Variants in PIAS2 observed in about 807,000 individuals in gnomAD.
PIAS2 encodes the protein E3 SUMO-protein ligase PIAS2.
In PIAS2, 19 loss-of-function variants were observed where a neutral mutation model predicts 69.7. That is an observed-to-expected ratio of 0.27 (90% CI 0.19 to 0.40). PIAS2 has a LOEUF of 0.40. PIAS2 is among the 10% of genes least tolerant of loss of function. PIAS2 has a pLI of 1.00. For synonymous variants in PIAS2, 261 were observed against 263.2 expected (o/e 0.99, Z 0.08); for missense variants, 624 against 757.0 (o/e 0.82, Z 2.06).
intron 8 of PIAS2, chr18:46,843,789 AT>A: frequency 4.0e-6 from 1 of 247,240 alleles, no homozygotes. Flanking sequence ...CTCTTAATAT[AT>A]TTTTATTACT....
At chr18:46,858,904 G>A (rs945461227) in intron 3 of PIAS2, among the ~76,000 whole-genome samples, 2 of 152,142 alleles carry the variant, frequency 1.3e-5, no homozygotes, top group Admixed American at 6.5e-5. Context: ...AGGACAAGAA[G>A]AGGCAGAGCA....
intron 3 of PIAS2, among the ~76,000 whole-genome samples, chr18:46,856,000 T>A (rs2047715165): frequency 8.9e-6 from 1 of 112,366 alleles, no homozygotes; most frequent in African/African-American, 3.4e-5. Flanking sequence ...TTCTTTTGTT[T>A]TTTTTTTTTT....
chr18:46,833,714 A>C (rs2044012754), intron 9 of PIAS2, among the ~76,000 whole-genome samples: 1 of 152,238 alleles, frequency 6.6e-6, no homozygotes, highest in South Asian at 2.1e-4. Flanking sequence ...ATACTACCAC[A>C]TAATAGAAAT....
At chr18:46,838,023 T>A (rs1430773664) in intron 8 of PIAS2, among the ~76,000 whole-genome samples, 1 of 152,194 alleles carries the variant, frequency 6.6e-6, no homozygotes, top group Non-Finnish European at 1.5e-5. Context: ...ACGGACCTAT[T>A]TTTATGCTAT....
intron 10 of PIAS2, among the ~76,000 whole-genome samples, 180 bp downstream of exon 10, chr18:46,829,554 T>C (rs1206872405): frequency 1.3e-5 from 2 of 152,224 alleles, no homozygotes; most frequent in African/African-American, 4.8e-5. Flanking sequence ...GCTGATAAGA[T>C]GGTATAAACT....
intron 1 of PIAS2, among the ~76,000 whole-genome samples, chr18:46,912,177 G>C (rs2057342925): frequency 6.6e-6 from 1 of 152,218 alleles, no homozygotes; most frequent in African/African-American, 2.4e-5. Flanking sequence ...AGACCAGGAA[G>C]TGAGGAAATA....
intron 12 of PIAS2, chr18:46,816,100 G>T (rs901407660): frequency 1.0e-6 from 1 of 984,768 alleles, no homozygotes; most frequent in Admixed American, 6.2e-5. Context: ...ACCTCCCTGT[G>T]TGACTAAACT....
intron 9 of PIAS2, among the ~76,000 whole-genome samples, chr18:46,832,892 CAAAA>C (rs34958166): frequency 9.4e-6 from 1 of 105,994 alleles, no homozygotes; most frequent in Admixed American, 1.0e-4. Context: ...CCTCTGTCTC[CAAAA>C]AAAAAAAAAA....
At chr18:46,839,928 C>T (rs945755243) in intron 8 of PIAS2, among the ~76,000 whole-genome samples, 3 of 151,118 alleles carry the variant, frequency 2.0e-5, no homozygotes, top group East Asian at 1.9e-4. Flanking sequence ...TTTGGGAAGC[C>T]GAGGCGGGGG....
rs2040857206 is a variant in PIAS2, at chr18:46,809,270, A to G, written c.*3163T>C. The G allele has an allele frequency of 6.6e-6, 1 of 152,180 alleles. No homozygotes were observed. The highest frequency in any genetic ancestry group is 1.5e-5 in the Non-Finnish European group (1 of 68,040). The allele number at this position is 152,180 out of a possible 1,614,324, so 9.4% of individuals were successfully genotyped here. On this transcript the variant is annotated 3_prime_UTR_variant, in exon 14 of 14. Transcript: ENST00000585916. ...TCAATGCTTTCATTTTGCCTTTACA[A>G]TTACCTTAGGACAGATGCCAAGTTT...
chr18:46,871,167 G>T (rs1048979956), intron 2 of PIAS2, among the ~76,000 whole-genome samples: 10 of 152,172 alleles, frequency 6.6e-5, no homozygotes, highest in African/African-American at 2.2e-4. Context: ...TAGAGAATTG[G>T]AAAGACTGGA....
intron 1 of PIAS2, chr18:46,915,231 G>A (rs2057685728): frequency 6.6e-6 from 1 of 152,060 alleles, no homozygotes; most frequent in Non-Finnish European, 1.5e-5. Flanking sequence ...AAAATTGTGA[G>A]AATTAAATAA....
intron 1 of PIAS2, chr18:46,907,576 CAT>C (rs1190708093): frequency 6.6e-6 from 1 of 152,136 alleles, no homozygotes; most frequent in Non-Finnish European, 1.5e-5. Flanking sequence ...ATAACAATAA[CAT>C]ATAGTTGAAT....
chr18:46,817,126 T>C, intron 12 of PIAS2: 1 of 950,132 alleles, frequency 1.1e-6, no homozygotes, highest in Non-Finnish European at 1.3e-6. Flanking sequence ...GTTTTTCAGT[T>C]TTCTTCATTT....
intron 1 of PIAS2, 174 bp downstream of exon 1, chr18:46,917,148 G>C (rs544033590): frequency 1.9e-6 from 2 of 1,041,866 alleles, no homozygotes; most frequent in South Asian, 4.4e-5. Flanking sequence ...CGTGCCCTCC[G>C]CCGGCCCGCT....
Position 46,808,517 on chromosome 18 carries a change from G to C in PIAS2, c.*3916C>G, listed in dbSNP as rs976852832. On this transcript the variant is annotated 3_prime_UTR_variant, in exon 14 of 14. Transcript: ENST00000585916. ...AGGAACATTAGACTCCAAAAGCAGA[G>C]AAATGCTTAATTTTCTTCTACCTGT... 3.3e-5 allele frequency: 5 copies of C among 152,160 alleles called. No homozygotes were observed. Among genetic ancestry groups the C allele is most frequent in the African/African-American group, 1.2e-4 (5 of 41,426 alleles). The allele number at this position is 152,160 out of a possible 1,614,324, so 9.4% of individuals were successfully genotyped here. A position where few individuals can be genotyped will look rare whatever the true frequency, so the allele number is the denominator to read the frequency against.
chr18:46,888,586 C>T (rs910140982), intron 2 of PIAS2, among the ~76,000 whole-genome samples: 1 of 152,134 alleles, frequency 6.6e-6, no homozygotes, highest in Non-Finnish European at 1.5e-5. Flanking sequence ...ACCTTTTTGG[C>T]CAGGACCAGT....
Position 46,836,460 on chromosome 18 carries a change from A to G in PIAS2, c.1099T>C (p.Cys367Arg). The change falls in exon 9 of 14, where the codon TGT becomes CGT. Residue 367 changes from cysteine (C) to arginine (R), a missense_variant. Physicochemically the swap from Cys to Arg is radical, Grantham distance 180. This residue lies in a region of PIAS2 where 44 missense variants were observed against 90.9 expected (regional missense o/e 0.48). Coordinates refer to ENST00000585916, the MANE Select transcript of PIAS2 (RefSeq NM_004671.5). ...TGTAGATAGAGGGCAGCATCAAAAC[A>G]CTGCAGATGTGTACAAGTCACTGCA... ...CRAVTCTHLQ[C>R]FDAALYLQMN... The G allele has an allele frequency of 6.2e-7, 1 of 1,613,724 alleles. No individual in the cohort carries two copies. The highest frequency in any genetic ancestry group is 8.5e-7 in the Non-Finnish European group (1 of 1,179,660).
At position 46,812,182 on chromosome 18, in the gene PIAS2, T is replaced by C. The variant is rs1043620245; in HGVS notation, c.*251A>G. 10 of 312,390 alleles carry C rather than the reference T, an allele frequency of 3.2e-5. No individual in the cohort carries two copies. The highest frequency in any genetic ancestry group is 5.9e-5 in the Non-Finnish European group (10 of 170,774). The allele number at this position is 312,390 out of a possible 1,614,324, so 19.4% of individuals were successfully genotyped here. On this transcript the variant is annotated 3_prime_UTR_variant, in exon 14 of 14. Coordinates refer to ENST00000585916, the MANE Select transcript of PIAS2 (RefSeq NM_004671.5). ...TTAACGTATGAAAGTGAAATCCATC[T>C]CTCAGGAAGATACAGTTATGGTTGA...
Sources: gnomAD v4.1 joint callset for allele counts (sites outside exome capture counted in the v4.1 genomes callset) on GRCh38, gnomAD v4.1.1 for gene constraint, gnomAD v4.1.1 regional missense constraint, MANE v1.5 for transcripts, NCBI Gene and HGNC (gene_info 2026-07-23, HGNC 2026-07-21) for gene names.